Variants in ALK observed in about 807,000 individuals in gnomAD.
The protein encoded by ALK is ALK receptor tyrosine kinase.
ALK carries 74 observed loss-of-function variants against 163.1 expected under a neutral mutation model. The ratio of observed to expected loss-of-function variants is 0.45; its 90% CI spans 0.38 to 0.55. The LOEUF (loss-of-function observed/expected upper bound fraction) is 0.55. ALK is among the 20% of genes least tolerant of loss of function. The probability of loss-of-function intolerance (pLI) is 0.00; values close to 1 mark genes in which losing one functional copy is unlikely to be tolerated. For missense variants in ALK, 2,063 were observed against 2,105.3 expected, an observed-to-expected ratio of 0.98 and a Z score of 0.39; for synonymous variants, 960 against 843.2, an observed-to-expected ratio of 1.14 and a Z score of -2.40.
At chr2:29,785,910 TATACACACACAC>T (rs1333774905) in intron 1 of ALK, among the ~76,000 whole-genome samples, 2 of 128,536 alleles carry the variant, frequency 1.6e-5, no homozygotes, top group South Asian at 2.5e-4. Context: ...TGTTTTTGAG[TATACACACACAC>T]ACACACACAC....
In ALK at chr2:29,445,865, C is replaced by T. The variant is rs570095568; in HGVS notation, c.1155-62006G>A. Among the ~76,000 whole-genome samples the T allele has an allele frequency of 4.0e-3, 598 of 151,184 alleles. 5 individuals are homozygous for T. The highest frequency in any genetic ancestry group is 0.01 in the African/African-American group (414 of 41,158). On this transcript the variant is annotated intron_variant, in intron 4 of 28. Transcript: ENST00000389048. ...CTGTAATCCCAGCACTTTGGGAGGC[C>T]GAGGCGGGCGGATCACGAGGTCAGG... is the stretch of plus-strand genomic sequence containing the variant.
At chr2:29,769,983 T>C (rs889545209) in intron 1 of ALK, among the ~76,000 whole-genome samples, 1 of 152,190 alleles carries the variant, frequency 6.6e-6, no homozygotes, top group Admixed American at 6.5e-5. Flanking sequence ...TCTAGGAGTG[T>C]TGGTGGGAGG....
intron 1 of ALK, among the ~76,000 whole-genome samples, chr2:29,875,093 G>A (rs775352276): frequency 1.1e-4 from 16 of 152,158 alleles, no homozygotes; most frequent in Non-Finnish European, 1.9e-4. Context: ...ATTCACAATA[G>A]TCAAAAGGTA....
intron 13 of ALK, among the ~76,000 whole-genome samples, chr2:29,236,276 C>G (rs1664379075): frequency 6.6e-6 from 1 of 152,076 alleles, no homozygotes; most frequent in African/African-American, 2.4e-5. Flanking sequence ...TGAGAAGGTC[C>G]ACCCCGTCGG....
At chr2:29,853,844 T>C (rs10186247) in intron 1 of ALK, among the ~76,000 whole-genome samples, 110,565 of 151,530 alleles carry the variant, frequency 0.73, 40,736 homozygotes, top group Non-Finnish European at 0.78. Flanking sequence ...ATTTGCCACG[T>C]CCCTCCCCAC....
intron 5 of ALK, among the ~76,000 whole-genome samples, chr2:29,346,457 A>T (rs958361748): frequency 4.6e-5 from 7 of 152,214 alleles, no homozygotes; most frequent in African/African-American, 1.4e-4. Flanking sequence ...GACCTTACCC[A>T]GGCCTGGGCC....
At chr2:29,401,925 T>C (rs1669455390) in intron 4 of ALK, among the ~76,000 whole-genome samples, 1 of 152,230 alleles carries the variant, frequency 6.6e-6, no homozygotes, top group South Asian at 2.1e-4. Context: ...TTCAATGCCA[T>C]ATTAAAAGGA....
chr2:29,316,119 C>T (rs1267274091), intron 8 of ALK, among the ~76,000 whole-genome samples: 1 of 152,162 alleles, frequency 6.6e-6, no homozygotes, highest in Non-Finnish European at 1.5e-5. Context: ...AAATCAACTT[C>T]CTGCATTCTG....
chr2:29,752,343 CTTTTCTT>C (rs1289967074), intron 1 of ALK, among the ~76,000 whole-genome samples: 1 of 138,296 alleles, frequency 7.2e-6, no homozygotes, highest in Non-Finnish European at 1.6e-5. Flanking sequence ...CTGCTATTTT[CTTTTCTT>C]TTTTTTTTTT....
At chr2:29,432,245 T>G (rs1670289327) in intron 4 of ALK, among the ~76,000 whole-genome samples, 1 of 152,176 alleles carries the variant, frequency 6.6e-6, no homozygotes, top group African/African-American at 2.4e-5. Context: ...GGATCCCTCA[T>G]GAATGGTTTT....
intron 3 of ALK, among the ~76,000 whole-genome samples, chr2:29,579,863 C>G (rs112348914): frequency 7.2e-5 from 11 of 152,286 alleles, no homozygotes; most frequent in African/African-American, 2.2e-4. Context: ...TCTGCACCCC[C>G]CAGAACCCAG....
At position 29,764,143 on chromosome 2, in the gene ALK, T is replaced by C. The variant is rs1368574105; in HGVS notation, c.668-46446A>G. ...TCCCTATTTGGGGTCAATCCCCTCATGTTACCAGGATGCAATTCAAGGACC... is the reference window on the plus strand; with the variant it reads ...TCCCTATTTGGGGTCAATCCCCTCACGTTACCAGGATGCAATTCAAGGACC... On this transcript the variant is annotated intron_variant, in intron 1 of 28. Coordinates refer to ENST00000389048, the MANE Select transcript of ALK (RefSeq NM_004304.5). Among the ~76,000 whole-genome samples, 8 of 152,274 alleles carry C rather than the reference T, an allele frequency of 5.3e-5. No homozygotes were observed. In the East Asian group the frequency reaches 1.5e-3, roughly 29 times the overall value.
chr2:29,743,839 T>C (rs1461240063), intron 1 of ALK, among the ~76,000 whole-genome samples: 3 of 152,060 alleles, frequency 2.0e-5, no homozygotes, highest in Non-Finnish European at 2.9e-5. Flanking sequence ...GAGGATTCTA[T>C]GAGAATTGCT....
intron 5 of ALK, among the ~76,000 whole-genome samples, chr2:29,367,694 GT>G (rs1347802674): frequency 6.6e-6 from 1 of 152,146 alleles, no homozygotes; most frequent in Non-Finnish European, 1.5e-5. Context: ...TAGGGAAGGA[GT>G]TTCTAGATGT....
chr2:29,483,960 G>A lies in ALK; in HGVS notation c.1154+47955C>T, dbSNP rs549211839. 7.9e-5 allele frequency among the ~76,000 whole-genome samples: 12 copies of A among 152,306 alleles called. No individual in the cohort carries two copies. The East Asian group carries it at 9.6e-4, about 12-fold the overall frequency. ...GCTGGGGAGGCCTCACAATCACGGC[G>A]GAAGGCGAAGGAGGAGCAAAGGCAT... On this transcript the variant is annotated intron_variant, in intron 4 of 28. Transcript: ENST00000389048.
chr2:29,361,753 C>G (rs957582618), intron 5 of ALK, among the ~76,000 whole-genome samples: 5 of 152,198 alleles, frequency 3.3e-5, no homozygotes, highest in Non-Finnish European at 5.9e-5. Context: ...ACCCTCAAAA[C>G]TGGTTGGCCA....
At chr2:29,713,370 C>A (rs575048342) in intron 2 of ALK, among the ~76,000 whole-genome samples, 7 of 152,246 alleles carry the variant, frequency 4.6e-5, no homozygotes, top group African/African-American at 7.2e-5. Flanking sequence ...CCCCAGGGAC[C>A]ATAGTCTGGG....
At chr2:29,347,675 T>G (rs1408442777) in intron 5 of ALK, among the ~76,000 whole-genome samples, 1 of 152,126 alleles carries the variant, frequency 6.6e-6, no homozygotes, top group Admixed American at 6.5e-5. Context: ...GGCAGTAAAA[T>G]GAAATGATAG....
chr2:29,569,030 CCT>C (rs1379810035), intron 3 of ALK, among the ~76,000 whole-genome samples: 1 of 152,110 alleles, frequency 6.6e-6, no homozygotes, highest in Non-Finnish European at 1.5e-5. Flanking sequence ...CTGCAGTACC[CCT>C]GTTTCCATCC....
Sources: gnomAD v4.1 joint callset for allele counts (sites outside exome capture counted in the v4.1 genomes callset) on GRCh38, gnomAD v4.1.1 for gene constraint, MANE v1.5 for transcripts, NCBI Gene and HGNC (gene_info 2026-07-23, HGNC 2026-07-21) for gene names.